KLF8: variants seen among roughly 807,000 people sequenced by gnomAD.
The protein encoded by KLF8 is Krueppel-like factor 8.
KLF8 carries 10 observed loss-of-function variants against 18.2 expected under a neutral mutation model. That is an observed-to-expected ratio of 0.55 (90% CI 0.34 to 0.93). The LOEUF is 0.93. KLF8 is among the 40% of genes least tolerant of loss of function. The pLI is 0.02. For missense variants in KLF8, 264 were observed against 277.9 expected (o/e 0.95, Z 0.36); for synonymous variants, 109 against 97.3 (o/e 1.12, Z -0.71).
the KLF8 span, among the ~76,000 whole-genome samples, chrX:56,054,978 T>C: frequency 8.9e-6 from 1 of 111,788 alleles, no homozygotes; most frequent in Non-Finnish European, 1.9e-5. Flanking sequence ...TGATTTCATG[T>C]GAGATGGATT....
chrX:56,257,155 G>T (rs906928896), intron 2 of KLF8, among the ~76,000 whole-genome samples: 1 of 111,237 alleles, frequency 9.0e-6, no homozygotes, highest in Non-Finnish European at 1.9e-5. Flanking sequence ...TTCTATTGTG[G>T]TCAGAGAAGA....
At chrX:56,169,993 G>A in the KLF8 span, among the ~76,000 whole-genome samples, 4 of 111,460 alleles carry the variant, frequency 3.6e-5, no homozygotes, top group African/African-American at 9.8e-5. Flanking sequence ...TCAGAACAAA[G>A]AGAGAGACTT....
the KLF8 span, among the ~76,000 whole-genome samples, chrX:55,928,121 T>C: frequency 8.9e-6 from 1 of 112,122 alleles, no homozygotes; most frequent in Admixed American, 9.5e-5. Context: ...TTTTATGACC[T>C]CGACATTTTT....
chrX:56,226,213 T>A, the KLF8 span, among the ~76,000 whole-genome samples: 1 of 112,215 alleles, frequency 8.9e-6, no homozygotes. Context: ...CTCCTCTAGA[T>A]CTAGGTGTCT....
the KLF8 span, among the ~76,000 whole-genome samples, chrX:56,081,135 TTC>T: frequency 5.4e-5 from 6 of 111,786 alleles, no homozygotes; most frequent in African/African-American, 1.9e-4. Flanking sequence ...GTCTGAAGCC[TTC>T]TCTCAGCTTG....
chrX:56,010,168 C>G, the KLF8 span, among the ~76,000 whole-genome samples: 1,637 of 111,132 alleles, frequency 0.015, 37 homozygotes, highest in African/African-American at 0.051. Context: ...ATCAGATTCT[C>G]CAAGGCTGAA....
At chrX:56,101,342 T>G in the KLF8 span, among the ~76,000 whole-genome samples, 2 of 111,971 alleles carry the variant, frequency 1.8e-5, no homozygotes, top group African/African-American at 6.5e-5. Context: ...GGTCTATATG[T>G]ACCATATTTT....
the KLF8 span, among the ~76,000 whole-genome samples, chrX:55,917,221 G>C: frequency 1.8e-5 from 2 of 112,135 alleles, no homozygotes; most frequent in African/African-American, 6.5e-5. Context: ...GAAGAACCCA[G>C]AGCCAAAATG....
the KLF8 span, chrX:55,961,262 C>T: frequency 5.9e-6 from 2 of 341,179 alleles, no homozygotes; most frequent in African/African-American, 2.6e-5. Flanking sequence ...TGCCTTCCAC[C>T]CAGGCCTCAC....
chrX:55,988,130 A>G, the KLF8 span, among the ~76,000 whole-genome samples: 1 of 110,766 alleles, frequency 9.0e-6, no homozygotes, highest in Non-Finnish European at 1.9e-5. Context: ...GTTTGCAAAA[A>G]TTTTCTCCCA....
At chrX:55,969,517 C>G in the KLF8 span, among the ~76,000 whole-genome samples, 1 of 111,155 alleles carries the variant, frequency 9.0e-6, no homozygotes, top group Non-Finnish European at 1.9e-5. Context: ...TTCAAATAAA[C>G]AATTTAATGA....
chrX:56,073,810 A>T, the KLF8 span, among the ~76,000 whole-genome samples: 1 of 106,169 alleles, frequency 9.4e-6, no homozygotes, highest in African/African-American at 3.4e-5. Context: ...CAATGGCACG[A>T]TGTCAGCTCA....
chrX:56,189,861 G>T, the KLF8 span, among the ~76,000 whole-genome samples: 1 of 74,861 alleles, frequency 1.3e-5, no homozygotes, highest in Non-Finnish European at 2.5e-5. Context: ...CACACTCTGG[G>T]GACTGTTGTG....
the KLF8 span, among the ~76,000 whole-genome samples, chrX:55,917,773 T>C: frequency 8.9e-6 from 1 of 112,110 alleles, no homozygotes; most frequent in African/African-American, 3.2e-5. Context: ...GTGTTAGCCC[T>C]GTATAAAGAT....
chrX:56,078,909 GA>G, the KLF8 span, among the ~76,000 whole-genome samples: 1 of 111,320 alleles, frequency 9.0e-6, no homozygotes, highest in Non-Finnish European at 1.9e-5. Flanking sequence ...ATTTCTTCTA[GA>G]TTTTCTAGTT....
chrX:56,187,336 C>T, the KLF8 span, among the ~76,000 whole-genome samples: 2 of 111,767 alleles, frequency 1.8e-5, no homozygotes, highest in East Asian at 5.6e-4. Context: ...GAAGTTGAAT[C>T]TCTGCATAGA....
At chrX:55,927,749 T>C in the KLF8 span, among the ~76,000 whole-genome samples, 1 of 112,232 alleles carries the variant, frequency 8.9e-6, no homozygotes, top group Non-Finnish European at 1.9e-5. Context: ...TTTATAGTTA[T>C]TTTTGTTTTT....
the KLF8 span, among the ~76,000 whole-genome samples, chrX:56,036,658 T>C: frequency 8.9e-6 from 1 of 112,088 alleles, no homozygotes; most frequent in East Asian, 2.8e-4. Context: ...TTTTAGGTAT[T>C]TAGAGTCTTT....
Position 56,265,420 on chromosome X carries a change from A to T in KLF8, c.322A>T (p.Ile108Leu). 4 of 1,211,237 alleles carry T rather than the reference A, an allele frequency of 3.3e-6. No homozygotes were observed. Among genetic ancestry groups the T allele is most frequent in the Non-Finnish European group, 4.5e-6 (4 of 895,199 alleles). ...GCCTGCTAGCATGCTACAAGCTCCA[A>T]TACGTCCCCCCAAGCCACAGTCTTC... ...LQPASMLQAP[I>L]RPPKPQSSPQ... The change falls in exon 3 of 6, where the codon ATA becomes TTA. Residue 108 changes from isoleucine to leucine, a missense_variant. Ile to Leu is a conservative substitution (Grantham distance 5). Around this residue, in one of 2 missense-constraint regions of KLF8, gnomAD observed 221 missense variants for 193.6 expected, o/e 1.14. Transcript: ENST00000468660.
Sources: allele counts gnomAD v4.1 joint callset (sites outside exome capture counted in the v4.1 genomes callset), GRCh38; gene constraint gnomAD v4.1.1; regional missense constraint gnomAD v4.1.1; transcripts MANE v1.5; gene names NCBI Gene and HGNC (gene_info 2026-07-23, HGNC 2026-07-21).